The following NCAM1 variants were observed in gnomAD, a reference collection of about 807,000 sequenced individuals.
NCAM1 encodes the protein antigen recognized by monoclonal antibody 5.1H11.
NCAM1 carries 14 observed loss-of-function variants against 109.8 expected under a neutral mutation model. The observed-to-expected ratio is 0.13, with a 90% confidence interval of 0.08 to 0.20. The LOEUF is 0.20. Ranked by LOEUF, NCAM1 falls within the 10% of genes least tolerant of loss-of-function variation. NCAM1 has a pLI of 1.00. For synonymous variants in NCAM1, 418 were observed against 442.9 expected, an observed-to-expected ratio of 0.94 and a Z score of 0.70; for missense variants, 774 against 1,109.9, an observed-to-expected ratio of 0.70 and a Z score of 4.30.
chr11:113,236,287 C>T (rs781808257), intron 14 of NCAM1: 12 of 1,613,156 alleles, frequency 7.4e-6, no homozygotes, highest in Non-Finnish European at 9.3e-6. Context: ...GTGTTCCATC[C>T]ATGGGAAATG....
intron 1 of NCAM1, among the ~76,000 whole-genome samples, chr11:113,169,553 T>C (rs1413825630): frequency 6.6e-6 from 1 of 152,134 alleles, no homozygotes; most frequent in East Asian, 1.9e-4. Context: ...CAGTTGGTTC[T>C]ATGAACACAT....
At chr11:113,153,231 T>C (rs897071035) in intron 1 of NCAM1, among the ~76,000 whole-genome samples, 1 of 152,020 alleles carries the variant, frequency 6.6e-6, no homozygotes, top group South Asian at 2.1e-4. Context: ...TAAGTAGAGA[T>C]GAGTTTTCAC....
At chr11:113,252,300 G>A (rs1377318816) in intron 15 of NCAM1, among the ~76,000 whole-genome samples, 17 of 151,782 alleles carry the variant, frequency 1.1e-4, no homozygotes, top group Admixed American at 8.5e-4. Flanking sequence ...TAGCTACTCC[G>A]GAGGCTGTGG....
intron 14 of NCAM1, among the ~76,000 whole-genome samples, chr11:113,242,423 C>T (rs568811731): frequency 7.2e-5 from 11 of 152,136 alleles, no homozygotes; most frequent in South Asian, 2.1e-4. Context: ...AGTTCAAGAC[C>T]GGTCTGGGCA....
In NCAM1 at chr11:112,963,409, G is replaced by A. The variant is rs1159057253; in HGVS notation, c.52+1745G>A. The A allele has an allele frequency of 6.6e-6, 1 of 152,218 alleles. No individual in the cohort carries two copies. The highest frequency in any genetic ancestry group is 1.5e-5 in the Non-Finnish European group (1 of 68,086). 9.4% of individuals were successfully genotyped at this position (152,218 alleles called of 1,614,324 possible). On this transcript the variant is annotated intron_variant, in intron 1 of 19. Transcript: ENST00000316851. The surrounding 1 kb of genome is among the most constrained non-coding windows in gnomAD (Gnocchi z 4.6). The stretch of plus-strand genomic sequence containing the variant: ...CTCTCGCGCCGCGGAATCCGGGCCT[G>A]AGCGCGTCGCCGGGGAGGGCATCCT...
chr11:113,114,092 A>C (rs1940571694), intron 1 of NCAM1, among the ~76,000 whole-genome samples: 1 of 152,166 alleles, frequency 6.6e-6, no homozygotes, highest in African/African-American at 2.4e-5. Context: ...TTGAATATTA[A>C]ACTCTTTTTG....
chr11:113,130,419 A>G (rs936178428), intron 1 of NCAM1, among the ~76,000 whole-genome samples: 3 of 152,224 alleles, frequency 2.0e-5, no homozygotes, highest in African/African-American at 7.2e-5. Context: ...ACATTCAATG[A>G]GTCAATTAAA....
In NCAM1 at chr11:113,100,472, A is replaced by C. The variant is rs562956991; in HGVS notation, c.53-101907A>C. Among the ~76,000 whole-genome samples, 6 of 152,286 alleles carry C rather than the reference A, an allele frequency of 3.9e-5. No homozygotes were observed. In the East Asian group the frequency reaches 1.2e-3, roughly 29 times the overall value. On this transcript the variant is annotated intron_variant, in intron 1 of 19. Coordinates refer to ENST00000316851, the MANE Select transcript of NCAM1 (RefSeq NM_181351.5). ...CCTGGGTCCTTGTCTGGCATCCAGG[A>C]AGAAGCAGGTCACGTGCACTTGAAG...
intron 1 of NCAM1, among the ~76,000 whole-genome samples, chr11:113,198,081 C>A (rs1262158045): frequency 6.6e-6 from 1 of 152,146 alleles, no homozygotes; most frequent in Non-Finnish European, 1.5e-5. Flanking sequence ...CTATCAGTCT[C>A]CCATGGGGCT....
intron 14 of NCAM1, among the ~76,000 whole-genome samples, chr11:113,239,499 C>T (rs1591448965): frequency 2.7e-4 from 30 of 110,194 alleles, no homozygotes; most frequent in Admixed American, 6.9e-4. Context: ...TGAGTCTCTA[C>T]TTTTTTTTTT....
At chr11:113,261,929 G>GGACA (rs1555123436) in intron 17 of NCAM1, among the ~76,000 whole-genome samples, 6 of 152,182 alleles carry the variant, frequency 3.9e-5, no homozygotes. Context: ...TTGTCCTCCA[G>GGACA]AGTTGTGCCT....
In NCAM1 at chr11:113,271,142, G is replaced by A. The variant is rs1340673125; in HGVS notation, c.2340-618G>A. The stretch of plus-strand genomic sequence containing the variant: ...CCCAGCACTTTGGGAGGCCGAGATG[G>A]ATGGATCATTTGAGGTCAGGAGTTG... On this transcript the variant is annotated intron_variant, in intron 18 of 19. Coordinates refer to ENST00000316851, the MANE Select transcript of NCAM1 (RefSeq NM_181351.5). 3.3e-5 allele frequency among the ~76,000 whole-genome samples: 5 copies of A among 152,068 alleles called. No individual in the cohort carries two copies. In the East Asian group the frequency reaches 7.7e-4, roughly 24 times the overall value.
chr11:113,048,617 A>G (rs1214166610), intron 1 of NCAM1, among the ~76,000 whole-genome samples: 2 of 152,160 alleles, frequency 1.3e-5, no homozygotes, highest in Non-Finnish European at 2.9e-5. Flanking sequence ...AAATGAGTAA[A>G]GGACTGTGCT....
At chr11:113,000,149 G>A (rs925018742) in intron 1 of NCAM1, among the ~76,000 whole-genome samples, 5 of 152,022 alleles carry the variant, frequency 3.3e-5, no homozygotes, top group Non-Finnish European at 5.9e-5. Context: ...ATCACTATCC[G>A]AATGTTGGTT....
At chr11:113,223,736 T>C (rs1944750750) in intron 9 of NCAM1, among the ~76,000 whole-genome samples, 1 of 152,202 alleles carries the variant, frequency 6.6e-6, no homozygotes, top group African/African-American at 2.4e-5. Flanking sequence ...CAGTTGCTGG[T>C]TGATATCACA....
intron 1 of NCAM1, among the ~76,000 whole-genome samples, chr11:113,137,918 G>C (rs1030364781): frequency 6.6e-6 from 1 of 152,134 alleles, no homozygotes; most frequent in Non-Finnish European, 1.5e-5. Flanking sequence ...CGACAAGGGA[G>C]GGGCAAGACA....
intron 1 of NCAM1, among the ~76,000 whole-genome samples, chr11:112,992,219 C>T (rs1951477510): frequency 6.6e-6 from 1 of 151,996 alleles, no homozygotes; most frequent in Non-Finnish European, 1.5e-5. Flanking sequence ...AATGAAAATT[C>T]ATAATCATAA....
chr11:113,195,081 A>T lies in NCAM1; in HGVS notation c.53-7298A>T, dbSNP rs558920557. Among the ~76,000 whole-genome samples the T allele has an allele frequency of 2.3e-3, 352 of 152,358 alleles. 10 individuals carry two copies. Among genetic ancestry groups the T allele is most frequent in the South Asian group, 0.022 (107 of 4,834 alleles). On this transcript the variant is annotated intron_variant, in intron 1 of 19. Coordinates refer to ENST00000316851, the MANE Select transcript of NCAM1 (RefSeq NM_181351.5). Reference sequence around the variant, plus strand: ...ATTAATGTATGGCCTGCCATTATGAAGCCATTATACTGAAACAGAAGCCAA... The same window carrying T: ...ATTAATGTATGGCCTGCCATTATGATGCCATTATACTGAAACAGAAGCCAA...
chr11:113,088,721 TCTCA>T (rs1375876042), intron 1 of NCAM1, among the ~76,000 whole-genome samples: 1 of 152,230 alleles, frequency 6.6e-6, no homozygotes, highest in Non-Finnish European at 1.5e-5. Flanking sequence ...GTCATATTTC[TCTCA>T]CTCCTTTTTT....
Sources: allele counts gnomAD v4.1 joint callset (sites outside exome capture counted in the v4.1 genomes callset), GRCh38; gene constraint gnomAD v4.1.1; non-coding constraint Gnocchi (gnomAD v3.1); transcripts MANE v1.5; gene names NCBI Gene and HGNC (gene_info 2026-07-23, HGNC 2026-07-21).